The following MED4 variants were observed in gnomAD, a reference collection of about 807,000 sequenced individuals.
MED4 encodes the protein mediator complex subunit 4, also known as mediator of RNA polymerase II transcription subunit 4.
In MED4, 21 loss-of-function variants were observed where a neutral mutation model predicts 35.0. The ratio of observed to expected loss-of-function variants is 0.60; its 90% CI spans 0.43 to 0.86. The LOEUF is 0.86. Ranked by LOEUF, MED4 falls within the 40% of genes least tolerant of loss-of-function variation. MED4 has a pLI of 0.00. For missense variants in MED4, 300 were observed against 319.4 expected (o/e 0.94, Z 0.46); for synonymous variants, 138 against 114.0 (o/e 1.21, Z -1.34).
rs997507104 is a variant in MED4, at chr13:48,086,465, A to C, written c.193-13T>G. 1.2e-6 allele frequency: 2 copies of C among 1,611,568 alleles called. No individual in the cohort carries two copies. The highest frequency in any genetic ancestry group is 3.4e-5 in the Admixed American group (2 of 59,696). On this transcript the variant is annotated splice_polypyrimidine_tract_variant and intron_variant, in intron 2 of 6. Transcript: ENST00000258648. ...ACAACTCCAGGACCTGTCAGATAAC[A>C]GTCAATTAAATCAGACAATAGACTA...
chr13:48,095,065 G>T lies in MED4; in HGVS notation c.14C>A (p.Ser5Ter). The T allele has an allele frequency of 1.9e-6, 3 of 1,604,368 alleles. No individual in the cohort carries two copies. Among genetic ancestry groups the T allele is most frequent in the African/African-American group, 1.3e-5 (1 of 75,052 alleles). MAAS[S>*]SGEKEKERLG... ...CCGCTCCTTCTCCTTCTCACCACTC[G>T]AAGACGCAGCCATTTTCCCCAGAGT... The change falls in exon 1 of 7, where the codon TCG becomes TAG. Residue 5 changes from serine (S) to a stop codon, truncating the protein, a stop_gained. Transcript: ENST00000258648. LOFTEE classifies it high-confidence loss of function.
intron 4 of MED4, among the ~76,000 whole-genome samples, chr13:48,083,143 C>CCATA (rs1850070075): frequency 6.6e-6 from 1 of 152,232 alleles, no homozygotes; most frequent in African/African-American, 2.4e-5. Context: ...GGGCACACAG[C>CCATA]CATAAACTGC....
intron 2 of MED4, among the ~76,000 whole-genome samples, chr13:48,087,480 T>C (rs1222129979): frequency 6.6e-6 from 1 of 152,158 alleles, no homozygotes; most frequent in Non-Finnish European, 1.5e-5. Context: ...TTTGTGCTAA[T>C]ATATATTAGA....
At chr13:48,081,783 G>T in intron 4 of MED4, 52 bp from the exon 5 acceptor site, 1 of 1,126,430 alleles carries the variant, frequency 8.9e-7, no homozygotes. Flanking sequence ...AAACATACAA[G>T]TTTAGAAATG....
chr13:48,079,806 C>T lies in MED4; in HGVS notation c.640+38G>A, dbSNP rs774126973. 6.2e-6 allele frequency: 10 copies of T among 1,606,250 alleles called. No homozygotes were observed. In the Middle Eastern group the frequency reaches 1.0e-3, roughly 160 times the overall value. ...TCCAACCTTGTCATCTCTGGAAAACCCTGATCTGTTTGAAAACACTCTTCG... is the reference window on the plus strand; with the variant it reads ...TCCAACCTTGTCATCTCTGGAAAACTCTGATCTGTTTGAAAACACTCTTCG... On this transcript the variant is annotated intron_variant, in intron 6 of 6. Coordinates refer to ENST00000258648, the MANE Select transcript of MED4 (RefSeq NM_014166.4).
chr13:48,088,221 T>C (rs1950866512), intron 2 of MED4, among the ~76,000 whole-genome samples: 1 of 152,216 alleles, frequency 6.6e-6, no homozygotes, highest in Admixed American at 6.5e-5. Flanking sequence ...AAGTAGAGAA[T>C]ACTACTTCAG....
At position 48,076,403 on chromosome 13, in the gene MED4, T is replaced by C. The variant is rs980061930; in HGVS notation, c.*736A>G. On this transcript the variant is annotated 3_prime_UTR_variant, in exon 7 of 7. Coordinates refer to ENST00000258648, the MANE Select transcript of MED4 (RefSeq NM_014166.4). Reference sequence around the variant, plus strand: ...TAAAATCAGACAAGGCTGTGGTAAATTTTTTCAATTATTAAAAAAAATTAT... The same window carrying C: ...TAAAATCAGACAAGGCTGTGGTAAACTTTTTCAATTATTAAAAAAAATTAT... 2.0e-5 allele frequency: 3 copies of C among 152,090 alleles called. No individual in the cohort carries two copies. 9.4% of individuals were successfully genotyped at this position (152,090 alleles called of 1,614,324 possible).
In MED4 at chr13:48,081,666, C is replaced by G; in HGVS notation, c.487G>C (p.Ala163Pro). Residue 163 changes from alanine (A) to proline (P), a missense_variant, in exon 5 of 7, where the codon GCT becomes CCT. Physicochemically the swap from Ala to Pro is conservative, Grantham distance 27. Coordinates refer to ENST00000258648, the MANE Select transcript of MED4 (RefSeq NM_014166.4). ...HRISASNAVC[A>P]PLTWVPGDPR... ...TTACCTGGAACCCAGGTCAGTGGAG[C>G]ACATACAGCATTACTTGCACTGATC... is the stretch of plus-strand genomic sequence containing the variant. 1 of 1,611,320 alleles carries G rather than the reference C, an allele frequency of 6.2e-7. No individual in the cohort carries two copies. Among genetic ancestry groups the G allele is most frequent in the Non-Finnish European group, 8.5e-7 (1 of 1,178,860 alleles).
intron 1 of MED4, 123 bp downstream of exon 1, chr13:48,094,831 C>G (rs981064443): frequency 7.8e-6 from 11 of 1,417,538 alleles, no homozygotes; most frequent in Non-Finnish European, 1.0e-5. Flanking sequence ...CCTCATGCAC[C>G]CGAAACTCCC....
chr13:48,082,849 A>C (rs1950820029), intron 4 of MED4, among the ~76,000 whole-genome samples: 1 of 151,274 alleles, frequency 6.6e-6, no homozygotes, highest in South Asian at 2.1e-4. Flanking sequence ...AAGGAGTATT[A>C]GCTATTTAAC....
intron 6 of MED4, 73 bp from the exon 7 acceptor site, chr13:48,077,384 G>C: frequency 1.7e-6 from 2 of 1,203,752 alleles, no homozygotes; most frequent in Non-Finnish European, 2.2e-6. Context: ...TTCCCTTTAT[G>C]CAACAATTTG....
intron 2 of MED4, among the ~76,000 whole-genome samples, chr13:48,089,133 C>G (rs1451535375): frequency 6.6e-6 from 1 of 152,128 alleles, no homozygotes; most frequent in Non-Finnish European, 1.5e-5. Flanking sequence ...AACAGAGTAC[C>G]TGAGAGACTA....
In MED4 at chr13:48,090,421, A is replaced by G; in HGVS notation, c.126-3T>C. 1.4e-6 allele frequency: 1 copy of G among 728,418 alleles called. No individual in the cohort carries two copies. Among genetic ancestry groups the G allele is most frequent in the South Asian group, 3.3e-5 (1 of 30,436 alleles). 45.1% of individuals were successfully genotyped at this position (728,418 alleles called of 1,614,324 possible). A position where few individuals can be genotyped will look rare whatever the true frequency, so the allele number is the denominator to read the frequency against. Reference sequence around the variant, plus strand: ...TTGCCAGCATTTCTATAAGTTCCCTAAAAAAAAAAAACCAACAACAACAAA... The same window carrying G: ...TTGCCAGCATTTCTATAAGTTCCCTGAAAAAAAAAAACCAACAACAACAAA... On this transcript the variant is annotated splice_polypyrimidine_tract_variant and splice_region_variant and intron_variant, in intron 1 of 6. Transcript: ENST00000258648.
chr13:48,095,045 C>G lies in MED4; in HGVS notation c.34G>C (p.Glu12Gln), dbSNP rs34140370. The G allele has an allele frequency of 0.013, 20,267 of 1,605,846 alleles. 175 individuals are homozygous for G. Among genetic ancestry groups the G allele is most frequent in the Non-Finnish European group, 0.016 (18,413 of 1,179,908 alleles). Residue 12 changes from glutamate (E) to glutamine (Q), a missense_variant, in exon 1 of 7, where the codon GAG becomes CAG. Physicochemically the swap from Glu to Gln is conservative, Grantham distance 29. Coordinates refer to ENST00000258648, the MANE Select transcript of MED4 (RefSeq NM_014166.4). ...AASSSGEKEK[E>Q]RLGGGLGVAG... ...ACTCCCAAACCGCCTCCCAGCCGCT[C>G]CTTCTCCTTCTCACCACTCGAAGAC...
At chr13:48,090,514 G>C in intron 1 of MED4, 96 bp from the exon 2 acceptor site, 1 of 887,942 alleles carries the variant, frequency 1.1e-6, no homozygotes, top group Non-Finnish European at 1.7e-6. Flanking sequence ...GTGAACTACA[G>C]CTCACCAAGA....
chr13:48,081,856 C>T (rs1037859064), intron 4 of MED4, 125 bp from the exon 5 acceptor site: 38 of 515,714 alleles, frequency 7.4e-5, no homozygotes, highest in Middle Eastern at 5.1e-4. Context: ...ATCTCAGTCA[C>T]CTGCCTTCCT....
chr13:48,083,488 T>C, intron 3 of MED4, 60 bp from the exon 4 acceptor site: 2 of 1,426,690 alleles, frequency 1.4e-6, no homozygotes, highest in East Asian at 2.3e-5. Flanking sequence ...AACTTAGTTT[T>C]TGGCTTAATT....
In MED4 at chr13:48,078,669, G is replaced by C. The variant is rs1191923631; in HGVS notation, c.640+1175C>G. On this transcript the variant is annotated intron_variant, in intron 6 of 6. Transcript: ENST00000258648. ...ATATGAGAGTATCGGCCTTGGGATGGAGCTGGGGAAGACTGTTTTTAGGTC... is the reference window on the plus strand; with the variant it reads ...ATATGAGAGTATCGGCCTTGGGATGCAGCTGGGGAAGACTGTTTTTAGGTC... Among the ~76,000 whole-genome samples, 3 of 152,184 alleles carry C rather than the reference G, an allele frequency of 2.0e-5. No homozygotes were observed. In the East Asian group the frequency reaches 5.8e-4, roughly 29 times the overall value.
chr13:48,094,827 G>T, intron 1 of MED4, 127 bp downstream of exon 1: 1 of 1,369,760 alleles, frequency 7.3e-7, no homozygotes, highest in Non-Finnish European at 9.8e-7. Context: ...TGACCCTCAT[G>T]CACCCGAAAC....
Sources: allele counts gnomAD v4.1 joint callset (sites outside exome capture counted in the v4.1 genomes callset), GRCh38; gene constraint gnomAD v4.1.1; transcripts MANE v1.5; gene names NCBI Gene and HGNC (gene_info 2026-07-23, HGNC 2026-07-21).